The following SMARCA4 variants were observed in gnomAD, a reference collection of about 807,000 sequenced individuals.
SMARCA4 encodes SWI/SNF related BAF chromatin remodeling complex subunit ATPase 4, also known as SWI/SNF-related matrix-associated actin-dependent regulator of chromatin subfamily A member 4.
SMARCA4 carries 31 observed loss-of-function variants against 193.9 expected under a neutral mutation model. The ratio of observed to expected loss-of-function variants is 0.16; its 90% CI spans 0.12 to 0.22. The LOEUF (loss-of-function observed/expected upper bound fraction) is 0.22, where lower values mean the gene tolerates loss of function less well. Ranked by LOEUF, SMARCA4 falls within the 10% of genes least tolerant of loss-of-function variation. The pLI is 1.00. For synonymous variants in SMARCA4, 942 were observed against 933.1 expected (o/e 1.01, Z -0.17); for missense variants, 1,148 against 2,296.0 (o/e 0.50, Z 10.22).
intron 30 of SMARCA4, among the ~76,000 whole-genome samples, chr19:11,054,644 T>C (rs1216348729): frequency 2.0e-5 from 3 of 152,048 alleles, no homozygotes; most frequent in African/African-American, 7.2e-5. Context: ...ATACAAAAAT[T>C]AGCTAGGTGT....
chr19:10,999,686 T>C (rs1424291799), intron 11 of SMARCA4, among the ~76,000 whole-genome samples: 1 of 152,086 alleles, frequency 6.6e-6, no homozygotes, highest in Non-Finnish European at 1.5e-5. Flanking sequence ...GAGGTTATAC[T>C]GACACCTCCA....
rs759831368 is a variant in SMARCA4 at position 10,991,333 on chromosome 19, G to C, written c.1419+10G>C. 4.4e-6 allele frequency: 7 copies of C among 1,581,362 alleles called. No homozygotes were observed. Among genetic ancestry groups the C allele is most frequent in the Middle Eastern group, 3.7e-4 (2 of 5,408 alleles). ...CCGGCAGAAGCACCAGGTACGCTCC[G>C]GTGGCCCCAAGGCCCTGCAGCCCGC... On this transcript the variant is annotated intron_variant, in intron 8 of 34. Coordinates refer to ENST00000344626, the MANE Select transcript of SMARCA4 (RefSeq NM_003072.5).
intron 1 of SMARCA4, among the ~76,000 whole-genome samples, chr19:10,979,369 AGAACGGAT>A (rs2145652384): frequency 6.6e-6 from 1 of 150,398 alleles, no homozygotes; most frequent in East Asian, 1.9e-4. Context: ...TCACATAAAA[AGAACGGAT>A]GACTCTCCCA....
At chr19:11,022,167 A>G (rs753270524) in intron 19 of SMARCA4, among the ~76,000 whole-genome samples, 200 bp downstream of exon 19, 13 of 152,192 alleles carry the variant, frequency 8.5e-5, no homozygotes, top group Admixed American at 1.3e-4. Context: ...GGCAGAGGTC[A>G]TGGTGGTGAA....
chr19:10,974,690 T>TATATATATATATATA (rs1491522292), intron 1 of SMARCA4, among the ~76,000 whole-genome samples: 3 of 18,580 alleles, frequency 1.6e-4, no homozygotes, highest in African/African-American at 7.6e-4. Flanking sequence ...TATATATATA[T>TATATATATATATATA]TTTTTTTTTT....
intron 20 of SMARCA4, 144 bp downstream of exon 20, chr19:11,023,775 T>C: frequency 2.8e-6 from 2 of 703,414 alleles, no homozygotes; most frequent in East Asian, 2.7e-5. Context: ...CGCCACTGGG[T>C]CTGTAAAGCC....
intron 1 of SMARCA4, among the ~76,000 whole-genome samples, chr19:10,968,829 C>G (rs1225154455): frequency 6.6e-6 from 1 of 152,168 alleles, no homozygotes; most frequent in African/African-American, 2.4e-5. Flanking sequence ...GTGGATGTCT[C>G]ATTGTGCCCA....
intron 16 of SMARCA4, chr19:11,018,276 A>C: frequency 6.0e-6 from 1 of 166,022 alleles, no homozygotes; most frequent in East Asian, 1.6e-4. Context: ...CCCCTTTGGG[A>C]CTCAGCTTTA....
intron 1 of SMARCA4, among the ~76,000 whole-genome samples, chr19:10,983,208 G>T (rs1237271568): frequency 6.6e-6 from 1 of 152,200 alleles, no homozygotes; most frequent in African/African-American, 2.4e-5. Flanking sequence ...TCTCTGGGTG[G>T]TTGGAGGACA....
At chr19:11,032,554 T>TA (rs1406319641) in intron 25 of SMARCA4, 1 of 152,098 alleles carries the variant, frequency 6.6e-6, no homozygotes, top group Non-Finnish European at 1.5e-5. Context: ...TAGCCCCAGC[T>TA]ACTCAGGAAG....
intron 1 of SMARCA4, among the ~76,000 whole-genome samples, chr19:10,973,697 G>T: frequency 6.6e-6 from 1 of 151,328 alleles, no homozygotes; most frequent in African/African-American, 2.4e-5. Flanking sequence ...AGCCTCCCGA[G>T]TAGCTGGGAC....
chr19:11,017,244 G>T (rs1187914822), intron 16 of SMARCA4, among the ~76,000 whole-genome samples: 1 of 152,194 alleles, frequency 6.6e-6, no homozygotes, highest in East Asian at 1.9e-4. Context: ...TAGTGAGCCG[G>T]TACCTCCGGG....
At position 11,004,173 on chromosome 19, in the gene SMARCA4, T is replaced by C. The variant is rs149178972; in HGVS notation, c.2001+776T>C. On this transcript the variant is annotated intron_variant, in intron 13 of 34. Coordinates refer to ENST00000344626, the MANE Select transcript of SMARCA4 (RefSeq NM_003072.5). ...CTGGGACTTCAGGCACCTGCCACCATGCCTGGCTAATTTTTGTATTTTTAG... is the reference window on the plus strand; with the variant it reads ...CTGGGACTTCAGGCACCTGCCACCACGCCTGGCTAATTTTTGTATTTTTAG... Among the ~76,000 whole-genome samples the C allele has an allele frequency of 4.9e-4, 74 of 152,064 alleles. 1 individual carries two copies. The East Asian group carries it at 0.014, about 28-fold the overall frequency.
intron 9 of SMARCA4, chr19:10,995,478 A>T (rs758210797): frequency 2.6e-5 from 12 of 457,200 alleles, no homozygotes; most frequent in Non-Finnish European, 5.3e-5. Flanking sequence ...TGAAGCAAAC[A>T]GAGTAGTGGA....
Position 11,035,004 on chromosome 19 carries a change from A to G in SMARCA4, c.4042A>G (p.Ile1348Val), listed in dbSNP as rs1221798183. The G allele has an allele frequency of 1.4e-5, 23 of 1,611,712 alleles. No individual in the cohort carries two copies. The highest frequency in any genetic ancestry group is 1.9e-5 in the Non-Finnish European group (22 of 1,179,306). The change falls in exon 29 of 35, where the codon ATC becomes GTC. Residue 1348 changes from isoleucine (I) to valine (V), a missense_variant. Ile to Val is a conservative substitution (Grantham distance 29). Coordinates refer to ENST00000344626, the MANE Select transcript of SMARCA4 (RefSeq NM_003072.5). The part of the protein sequence containing the change: ...MEEDELPSWI[I>V]KDDAEVERLT... ...GGAGGACGAGCTCCCCTCGTGGATC[A>G]TCAAGGACGACGCGGAGGTGGAGCG...
intron 29 of SMARCA4, chr19:11,039,347 C>T (rs921141683): frequency 1.7e-6 from 1 of 598,542 alleles, no homozygotes; most frequent in Non-Finnish European, 2.9e-6. Flanking sequence ...GAATGAGACC[C>T]TGTCTCTGAA....
chr19:11,021,308 T>C (rs2089846530), intron 18 of SMARCA4: 1 of 352,158 alleles, frequency 2.8e-6, no homozygotes, highest in Non-Finnish European at 5.6e-6. Flanking sequence ...AGGCTGCTCA[T>C]TAGAAATGTA....
intron 30 of SMARCA4, among the ~76,000 whole-genome samples, chr19:11,055,704 GTC>G (rs1045192176): frequency 6.6e-6 from 1 of 152,158 alleles, no homozygotes; most frequent in African/African-American, 2.4e-5. Context: ...CAAGCCAAGA[GTC>G]TGCACTGTTT....
rs1480398200 is a variant in SMARCA4, at chr19:11,019,658, C to T, written c.2573C>T (p.Thr858Met). Reference protein sequence around the residue: ...LRSGKFNVLLTTYEYIIKDKH... With the variant: ...LRSGKFNVLLMTYEYIIKDKH... ...AGTGGGAAGTTCAACGTCTTGCTGA[C>T]GACGTACGAGTACATCATCAAAGAC... is the stretch of plus-strand genomic sequence containing the variant. Residue 858 changes from threonine to methionine, a missense_variant, in exon 18 of 35, where the codon ACG becomes ATG. This residue lies in a region of SMARCA4 where 54 missense variants were observed against 123.3 expected (regional missense o/e 0.44). Coordinates refer to ENST00000344626, the MANE Select transcript of SMARCA4 (RefSeq NM_003072.5). This position sits in a 1 kb window ranked among gnomAD's most constrained non-coding sequence, Gnocchi z 6.1. 6.2e-7 allele frequency: 1 copy of T among 1,613,608 alleles called. No individual in the cohort carries two copies. The highest frequency in any genetic ancestry group is 8.5e-7 in the Non-Finnish European group (1 of 1,179,764).
Sources: gnomAD v4.1 joint callset for allele counts (sites outside exome capture counted in the v4.1 genomes callset) on GRCh38, gnomAD v4.1.1 for gene constraint, gnomAD v4.1.1 regional missense constraint, Gnocchi (gnomAD v3.1) non-coding constraint, MANE v1.5 for transcripts, NCBI Gene and HGNC (gene_info 2026-07-23, HGNC 2026-07-21) for gene names.